Variants in IGSF11 observed in about 807,000 individuals in gnomAD.
IGSF11 encodes the protein CXADR like 1.
Under a neutral mutation model 41.0 loss-of-function variants are expected in IGSF11, and 22 were observed. The ratio of observed to expected loss-of-function variants is 0.54; its 90% CI spans 0.38 to 0.77. The LOEUF (loss-of-function observed/expected upper bound fraction) is 0.77, where lower values mean the gene tolerates loss of function less well. Among genes scored for constraint, IGSF11 ranks in the 30% least tolerant of loss-of-function variants. The probability of loss-of-function intolerance (pLI) is 0.00; values close to 1 mark genes in which losing one functional copy is unlikely to be tolerated. For missense variants in IGSF11, 444 were observed against 530.8 expected (o/e 0.84, Z 1.61); for synonymous variants, 219 against 201.3 (o/e 1.09, Z -0.74).
intron 1 of IGSF11, among the ~76,000 whole-genome samples, chr3:118,931,766 C>T (rs1047642457): frequency 2.7e-5 from 4 of 148,080 alleles, no homozygotes; most frequent in African/African-American, 1.0e-4. Context: ...GACAGTCTCG[C>T]TCTGTTGCCA....
chr3:118,969,146 C>T (rs1933072448), intron 1 of IGSF11, among the ~76,000 whole-genome samples: 1 of 151,362 alleles, frequency 6.6e-6, no homozygotes, highest in African/African-American at 2.4e-5. Context: ...AGCCATAGAA[C>T]AAAAACCAAG....
intron 1 of IGSF11, among the ~76,000 whole-genome samples, chr3:119,047,784 T>C (rs1237814139): frequency 6.6e-6 from 1 of 151,652 alleles, no homozygotes; most frequent in Non-Finnish European, 1.5e-5. Flanking sequence ...GAACAGAAAT[T>C]ATAACAAACT....
chr3:118,909,624 CA>C (rs1450015828), intron 4 of IGSF11, among the ~76,000 whole-genome samples: 2 of 152,198 alleles, frequency 1.3e-5, no homozygotes, highest in African/African-American at 2.4e-5. Flanking sequence ...AACCTGTTCC[CA>C]TTAATAGAAT....
intron 1 of IGSF11, among the ~76,000 whole-genome samples, chr3:119,095,134 T>C (rs1445066984): frequency 1.1e-4 from 16 of 152,160 alleles, no homozygotes; most frequent in Non-Finnish European, 1.2e-4. Context: ...AAGTTGGTAT[T>C]TGAAAAATGA....
intron 1 of IGSF11, among the ~76,000 whole-genome samples, chr3:118,959,843 C>T (rs993860330): frequency 1.3e-5 from 2 of 151,842 alleles, no homozygotes; most frequent in East Asian, 1.9e-4. Context: ...GTCAGGAGAT[C>T]GAGACCATCC....
upstream of IGSF11, among the ~76,000 whole-genome samples, chr3:119,036,666 A>G (rs1320893520): frequency 6.6e-6 from 1 of 151,266 alleles, no homozygotes; most frequent in Non-Finnish European, 1.5e-5. Context: ...AAGTACCTAC[A>G]CTTTGTAAGG....
chr3:119,130,486 G>C (rs1378673704), intron 1 of IGSF11, among the ~76,000 whole-genome samples: 1 of 152,218 alleles, frequency 6.6e-6, no homozygotes, highest in East Asian at 1.9e-4. Flanking sequence ...GAATTGCAAG[G>C]CTGCAGCCTG....
At chr3:119,122,496 G>T (rs1172598833) in intron 1 of IGSF11, among the ~76,000 whole-genome samples, 1 of 152,196 alleles carries the variant, frequency 6.6e-6, no homozygotes, top group Non-Finnish European at 1.5e-5. Flanking sequence ...CAACTCCTAG[G>T]TGAGTCCTAG....
intron 3 of IGSF11, 28 bp from the exon 4 acceptor site, chr3:118,926,284 T>C: frequency 6.5e-7 from 1 of 1,527,894 alleles, no homozygotes; most frequent in South Asian, 1.2e-5. Flanking sequence ...AGCAATAAAG[T>C]ACACATTTTA....
chr3:119,026,977 A>C (rs1939889166), intron 1 of IGSF11, among the ~76,000 whole-genome samples: 1 of 152,224 alleles, frequency 6.6e-6, no homozygotes, highest in Admixed American at 6.5e-5. Context: ...AAAATTTTGG[A>C]AAACTTGTAT....
chr3:118,988,146 C>T (rs774944889), intron 1 of IGSF11, among the ~76,000 whole-genome samples: 2 of 152,056 alleles, frequency 1.3e-5, no homozygotes, highest in Non-Finnish European at 2.9e-5. Flanking sequence ...AATAAGGTAT[C>T]TTTGAGGAAA....
chr3:118,959,295 T>C (rs531101611), intron 1 of IGSF11, among the ~76,000 whole-genome samples: 2 of 152,144 alleles, frequency 1.3e-5, no homozygotes, highest in Non-Finnish European at 2.9e-5. Flanking sequence ...TGAGATTACA[T>C]ATGCTACTGG....
At chr3:118,982,393 C>T (rs1367353002) in intron 1 of IGSF11, among the ~76,000 whole-genome samples, 1 of 152,146 alleles carries the variant, frequency 6.6e-6, no homozygotes, top group Non-Finnish European at 1.5e-5. Context: ...CTCCTCCATA[C>T]CCTTTGATAA....
chr3:119,017,715 CT>C (rs1205032800), intron 1 of IGSF11, among the ~76,000 whole-genome samples: 5 of 150,020 alleles, frequency 3.3e-5, no homozygotes, highest in Non-Finnish European at 7.4e-5. Context: ...TTTTTTTTCC[CT>C]TTTCTCCTCT....
chr3:119,007,418 C>G (rs1041465071), intron 1 of IGSF11, among the ~76,000 whole-genome samples: 1 of 151,396 alleles, frequency 6.6e-6, no homozygotes, highest in Non-Finnish European at 1.5e-5. Flanking sequence ...AGAAATCACC[C>G]GTCTTCTGCG....
At chr3:119,120,977 C>G (rs2077325418) in intron 1 of IGSF11, among the ~76,000 whole-genome samples, 2 of 152,126 alleles carry the variant, frequency 1.3e-5, no homozygotes, top group African/African-American at 4.8e-5. Flanking sequence ...CTTAATAACT[C>G]CTGTATTATC....
chr3:119,100,640 T>A (rs555094325), intron 1 of IGSF11, among the ~76,000 whole-genome samples: 2 of 152,374 alleles, frequency 1.3e-5, no homozygotes, highest in South Asian at 2.1e-4. Flanking sequence ...TATTTAAATT[T>A]ACAAGAAAAA....
intron 1 of IGSF11, among the ~76,000 whole-genome samples, chr3:118,940,223 T>A (rs537912001): frequency 5.3e-5 from 8 of 152,256 alleles, no homozygotes; most frequent in African/African-American, 1.9e-4. Context: ...GACATATAGA[T>A]TGAAAATTTC....
intron 1 of IGSF11, among the ~76,000 whole-genome samples, chr3:118,941,728 C>A (rs1413025267): frequency 6.6e-6 from 1 of 152,060 alleles, no homozygotes; most frequent in Non-Finnish European, 1.5e-5. Flanking sequence ...AAATGCCCAT[C>A]AACTTGCAAA....
Sources: allele counts gnomAD v4.1 joint callset (sites outside exome capture counted in the v4.1 genomes callset), GRCh38; gene constraint gnomAD v4.1.1; transcripts MANE v1.5; gene names NCBI Gene and HGNC (gene_info 2026-07-23, HGNC 2026-07-21).